The following PRKG1 variants were observed in gnomAD, a reference collection of about 807,000 sequenced individuals.
PRKG1 encodes the protein cGMP-dependent protein kinase 1.
A neutral mutation model predicts 88.1 loss-of-function variants in PRKG1; 35 were observed. That is an observed-to-expected ratio of 0.40 (90% CI 0.30 to 0.53). The LOEUF is 0.53. Ranked by LOEUF, PRKG1 falls within the 20% of genes least tolerant of loss-of-function variation. The pLI, the probability that PRKG1 is intolerant of heterozygous loss-of-function variation, is 0.59. For synonymous variants in PRKG1, 303 were observed against 292.5 expected, an observed-to-expected ratio of 1.04 and a Z score of -0.37; for missense variants, 540 against 839.8, an observed-to-expected ratio of 0.64 and a Z score of 4.41.
chr10:52,280,687 T>G lies in PRKG1; in HGVS notation c.1404-102T>G, dbSNP rs1186751396. 3 of 1,305,896 alleles carry G rather than the reference T, an allele frequency of 2.3e-6. No individual in the cohort carries two copies. The African/African-American group carries it at 4.5e-5, about 20-fold the overall frequency. 80.9% of individuals were successfully genotyped at this position (1,305,896 alleles called of 1,614,324 possible). On this transcript the variant is annotated intron_variant, in intron 12 of 17. Transcript: ENST00000373980. Reference sequence around the variant, plus strand: ...GCTAGCAGGACAGTGATCTCTGGGTTAAATTTTGGCAAAGGAATATAGTGA... The same window carrying G: ...GCTAGCAGGACAGTGATCTCTGGGTGAAATTTTGGCAAAGGAATATAGTGA...
intron 9 of PRKG1, among the ~76,000 whole-genome samples, chr10:52,193,989 C>T (rs780291263): frequency 6.6e-6 from 1 of 152,008 alleles, no homozygotes; most frequent in Non-Finnish European, 1.5e-5. Flanking sequence ...TAAAAGGTAG[C>T]TATTTTGTCT....
intron 2 of PRKG1, among the ~76,000 whole-genome samples, chr10:51,329,748 A>T (rs1164139880): frequency 6.6e-6 from 1 of 151,642 alleles, no homozygotes; most frequent in African/African-American, 2.4e-5. Context: ...TTTGTTTGTT[A>T]GTTTTAACAA....
intron 3 of PRKG1, among the ~76,000 whole-genome samples, chr10:51,656,275 T>C (rs17544348): frequency 0.038 from 5,735 of 152,272 alleles, 154 homozygotes; most frequent in Non-Finnish European, 0.056. Flanking sequence ...CCAGTTAGTG[T>C]AGTAGGCAAT....
intron 3 of PRKG1, among the ~76,000 whole-genome samples, chr10:51,663,044 T>A (rs1020185656): frequency 2.0e-5 from 3 of 152,050 alleles, no homozygotes; most frequent in African/African-American, 4.8e-5. Flanking sequence ...ATGATTAGAA[T>A]TAGGTTTTAA....
intron 5 of PRKG1, among the ~76,000 whole-genome samples, chr10:51,964,573 G>T (rs1444906725): frequency 6.6e-6 from 1 of 152,166 alleles, no homozygotes; most frequent in Non-Finnish European, 1.5e-5. Context: ...ATTTGAAACA[G>T]GTTGTGGTGT....
At chr10:51,380,522 T>A (rs1285433468) in intron 2 of PRKG1, among the ~76,000 whole-genome samples, 1 of 152,206 alleles carries the variant, frequency 6.6e-6, no homozygotes, top group Non-Finnish European at 1.5e-5. Context: ...GAAATAGGCC[T>A]GGTGCAGTGG....
intron 9 of PRKG1, among the ~76,000 whole-genome samples, chr10:52,204,941 T>C (rs1233711065): frequency 6.6e-6 from 1 of 151,986 alleles, no homozygotes; most frequent in Non-Finnish European, 1.5e-5. Flanking sequence ...ATCACTGAAT[T>C]CTCTCCCAAA....
At chr10:52,126,206 A>G (rs1847927579) in intron 7 of PRKG1, among the ~76,000 whole-genome samples, 1 of 152,028 alleles carries the variant, frequency 6.6e-6, no homozygotes, top group African/African-American at 2.4e-5. Context: ...GCTACTGGGT[A>G]TGTTTGTGTA....
At chr10:52,234,100 G>T (rs1311502350) in intron 9 of PRKG1, among the ~76,000 whole-genome samples, 5 of 151,928 alleles carry the variant, frequency 3.3e-5, no homozygotes, top group African/African-American at 1.2e-4. Flanking sequence ...TGCAGCTGAG[G>T]GTCCTGTCTG....
At chr10:51,898,122 C>T (rs954036511) in intron 4 of PRKG1, among the ~76,000 whole-genome samples, 7 of 152,136 alleles carry the variant, frequency 4.6e-5, no homozygotes, top group Admixed American at 3.3e-4. Flanking sequence ...ACTCTGTTCA[C>T]TCTGCCTGGA....
chr10:51,059,093 T>C (rs1040702868), intron 1 of PRKG1, among the ~76,000 whole-genome samples: 2 of 152,236 alleles, frequency 1.3e-5, no homozygotes, highest in Non-Finnish European at 2.9e-5. Context: ...TTCTGTATGC[T>C]GACCTCAAAT....
chr10:52,223,382 C>G (rs1043720411), intron 9 of PRKG1, among the ~76,000 whole-genome samples: 1 of 152,150 alleles, frequency 6.6e-6, no homozygotes, highest in Non-Finnish European at 1.5e-5. Flanking sequence ...CTCCTTGAGA[C>G]ATTTTCTTCA....
chr10:51,042,065 G>A (rs1445542095), intron 1 of PRKG1, among the ~76,000 whole-genome samples: 1 of 152,106 alleles, frequency 6.6e-6, no homozygotes, highest in African/African-American at 2.4e-5. Flanking sequence ...TCTTCTTTCT[G>A]CACACACCTG....
At chr10:51,330,230 A>C (rs559346837) in intron 2 of PRKG1, among the ~76,000 whole-genome samples, 109 of 150,588 alleles carry the variant, frequency 7.2e-4, no homozygotes, top group African/African-American at 2.4e-3. Flanking sequence ...AGCTCACTGC[A>C]ACCTCCACCT....
intron 2 of PRKG1, among the ~76,000 whole-genome samples, chr10:51,188,899 T>C (rs139508130): frequency 2.0e-5 from 3 of 151,996 alleles, no homozygotes; most frequent in African/African-American, 7.2e-5. Context: ...GAAAATGCAA[T>C]AGGATGCCAA....
intron 4 of PRKG1, among the ~76,000 whole-genome samples, chr10:51,861,139 C>T (rs765313712): frequency 2.2e-4 from 34 of 152,150 alleles, no homozygotes; most frequent in Non-Finnish European, 4.6e-4. Context: ...CATCACACAG[C>T]TGCAAAGTTA....
chr10:51,855,708 G>T (rs1000614337), intron 4 of PRKG1, among the ~76,000 whole-genome samples: 8 of 152,080 alleles, frequency 5.3e-5, no homozygotes, highest in Admixed American at 5.2e-4. Flanking sequence ...ATTTCCTGAG[G>T]GAATTTTAGT....
intron 3 of PRKG1, chr10:51,697,657 G>A (rs1776399217): frequency 6.3e-7 from 1 of 1,598,566 alleles, no homozygotes; most frequent in African/African-American, 1.3e-5. Context: ...CCATGCTACA[G>A]AATAAAATTT....
intron 1 of PRKG1, among the ~76,000 whole-genome samples, chr10:51,111,079 T>G (rs1844969535): frequency 6.6e-6 from 1 of 152,074 alleles, no homozygotes; most frequent in South Asian, 2.1e-4. Context: ...TCCTGAATAT[T>G]TCAGTTCTGG....
Sources: allele counts gnomAD v4.1 joint callset (sites outside exome capture counted in the v4.1 genomes callset), GRCh38; gene constraint gnomAD v4.1.1; transcripts MANE v1.5; gene names NCBI Gene and HGNC (gene_info 2026-07-23, HGNC 2026-07-21).